Variants in RNLS observed in about 807,000 individuals in gnomAD.
The protein encoded by RNLS is renalase.
A neutral mutation model predicts 39.8 loss-of-function variants in RNLS; 39 were observed. That is an observed-to-expected ratio of 0.98 (90% confidence interval 0.76 to 1.28). RNLS has a LOEUF of 1.28. RNLS is among the 50% of genes most tolerant of loss of function. The probability of loss-of-function intolerance (pLI) is 0.00; values close to 1 mark genes in which losing one functional copy is unlikely to be tolerated. For synonymous variants in RNLS, 147 were observed against 150.7 expected, an observed-to-expected ratio of 0.98 and a Z score of 0.18; for missense variants, 410 against 413.3, an observed-to-expected ratio of 0.99 and a Z score of 0.07.
intron 5 of RNLS, among the ~76,000 whole-genome samples, chr10:88,318,300 C>T (rs1014807447): frequency 3.9e-5 from 6 of 152,214 alleles, no homozygotes; most frequent in African/African-American, 1.4e-4. Flanking sequence ...ATGGGGAGCA[C>T]AGCCCACTAA....
chr10:88,236,809 G>T, the RNLS span, among the ~76,000 whole-genome samples: 2,492 of 152,298 alleles, frequency 0.016, 25 homozygotes, highest in Middle Eastern at 0.048. Flanking sequence ...CTACTGCAAG[G>T]AGTCAATAAA....
the RNLS span, among the ~76,000 whole-genome samples, chr10:88,183,763 C>T: frequency 2.6e-5 from 4 of 151,998 alleles, no homozygotes; most frequent in African/African-American, 9.7e-5. Flanking sequence ...GTTGTTTATC[C>T]CCATTCCCTG....
intron 5 of RNLS, among the ~76,000 whole-genome samples, chr10:88,355,177 G>A (rs1440489561): frequency 6.6e-6 from 1 of 152,092 alleles, no homozygotes; most frequent in Non-Finnish European, 1.5e-5. Flanking sequence ...CTTTAGCTTG[G>A]AGAAGTTTGA....
intron 4 of RNLS, among the ~76,000 whole-genome samples, chr10:88,390,020 G>A (rs568534380): frequency 1.3e-5 from 2 of 152,302 alleles, no homozygotes; most frequent in South Asian, 4.1e-4. Context: ...AAATAGCTAG[G>A]AACACAAGGG....
chr10:88,437,816 T>G (rs1449071306), intron 4 of RNLS, among the ~76,000 whole-genome samples: 1 of 152,008 alleles, frequency 6.6e-6, no homozygotes, highest in Non-Finnish European at 1.5e-5. Flanking sequence ...TGGGAAAGGT[T>G]TCTCCACTCC....
chr10:88,553,528 A>G (rs1308185953), intron 4 of RNLS, among the ~76,000 whole-genome samples: 1 of 152,130 alleles, frequency 6.6e-6, no homozygotes, highest in East Asian at 1.9e-4. Context: ...TCTAATGGTA[A>G]TCTCTCATTA....
intron 4 of RNLS, among the ~76,000 whole-genome samples, chr10:88,379,729 T>C (rs1392130867): frequency 1.3e-5 from 2 of 152,228 alleles, no homozygotes; most frequent in African/African-American, 4.8e-5. Context: ...TGACACTCAG[T>C]GACTTTTGAG....
intron 4 of RNLS, among the ~76,000 whole-genome samples, chr10:88,464,749 A>G (rs1336750642): frequency 7.6e-6 from 1 of 131,696 alleles, no homozygotes; most frequent in Non-Finnish European, 1.5e-5. Context: ...CACTAACAGC[A>G]AAGAACTGAA....
intron 4 of RNLS, among the ~76,000 whole-genome samples, chr10:88,475,457 T>G (rs1164602241): frequency 6.6e-6 from 1 of 152,206 alleles, no homozygotes; most frequent in Non-Finnish European, 1.5e-5. Flanking sequence ...GAACACTTTT[T>G]CATTTTCTTC....
At chr10:88,235,609 C>T in the RNLS span, among the ~76,000 whole-genome samples, 1 of 152,200 alleles carries the variant, frequency 6.6e-6, no homozygotes, top group Non-Finnish European at 1.5e-5. Flanking sequence ...TCATCCACCC[C>T]TCCACCTAGA....
intron 4 of RNLS, among the ~76,000 whole-genome samples, chr10:88,474,198 T>C (rs1333978514): frequency 6.6e-6 from 1 of 152,168 alleles, no homozygotes; most frequent in Non-Finnish European, 1.5e-5. Flanking sequence ...TGAAGTTGAA[T>C]TGAGCAGAAA....
intron 5 of RNLS, among the ~76,000 whole-genome samples, chr10:88,349,206 T>A (rs891175447): frequency 2.0e-5 from 3 of 152,164 alleles, no homozygotes; most frequent in Non-Finnish European, 4.4e-5. Flanking sequence ...CCATAAGATG[T>A]ATTTAAAGTT....
chr10:88,555,158 G>A (rs1848796419), intron 4 of RNLS, among the ~76,000 whole-genome samples: 1 of 151,840 alleles, frequency 6.6e-6, no homozygotes, highest in Admixed American at 6.6e-5. Flanking sequence ...AGCTCTTTAA[G>A]GAGGTGATCA....
intron 4 of RNLS, among the ~76,000 whole-genome samples, chr10:88,562,865 G>T (rs753214854): frequency 6.6e-6 from 1 of 151,990 alleles, no homozygotes; most frequent in Non-Finnish European, 1.5e-5. Flanking sequence ...GAAAGAAAGA[G>T]ATTTTTCATG....
At chr10:88,482,502 C>A (rs1053009939) in intron 4 of RNLS, among the ~76,000 whole-genome samples, 7 of 151,852 alleles carry the variant, frequency 4.6e-5, no homozygotes, top group Non-Finnish European at 7.4e-5. Context: ...ATTCTTTTTT[C>A]TTTTTATAAC....
chr10:88,534,515 T>C (rs1847631151), intron 4 of RNLS, among the ~76,000 whole-genome samples: 1 of 152,170 alleles, frequency 6.6e-6, no homozygotes, highest in African/African-American at 2.4e-5. Context: ...GAGAGTCAGA[T>C]ACACCTGAGA....
At chr10:88,475,616 T>C (rs946910570) in intron 4 of RNLS, among the ~76,000 whole-genome samples, 2 of 152,188 alleles carry the variant, frequency 1.3e-5, no homozygotes, top group Admixed American at 1.3e-4. Context: ...AGAGGTATTT[T>C]GCAACACAAT....
downstream of RNLS, among the ~76,000 whole-genome samples, chr10:88,269,538 C>T (rs551708892): frequency 3.9e-5 from 6 of 152,278 alleles, no homozygotes; most frequent in Admixed American, 2.6e-4. Context: ...CCTGCTGAAA[C>T]AGGAGGCTCT....
intron 4 of RNLS, among the ~76,000 whole-genome samples, chr10:88,500,982 T>C (rs1414924570): frequency 6.7e-6 from 1 of 150,266 alleles, no homozygotes; most frequent in Non-Finnish European, 1.5e-5. Flanking sequence ...TATATCTATA[T>C]ATTTATGTAT....
Sources: gnomAD v4.1 joint callset for allele counts (sites outside exome capture counted in the v4.1 genomes callset) on GRCh38, gnomAD v4.1.1 for gene constraint, MANE v1.5 for transcripts, NCBI Gene and HGNC (gene_info 2026-07-23, HGNC 2026-07-21) for gene names.